Variants in CPLANE1 observed in about 807,000 individuals in gnomAD.
CPLANE1 encodes the protein ciliogenesis and planar polarity effector 1.
CPLANE1 carries 263 observed loss-of-function variants against 362.5 expected under a neutral mutation model. The observed-to-expected ratio is 0.73, with a 90% CI of 0.66 to 0.80. The LOEUF (loss-of-function observed/expected upper bound fraction) is 0.80. CPLANE1 is among the 30% of genes least tolerant of loss of function. CPLANE1 has a pLI of 0.00. For synonymous variants in CPLANE1, 1,212 were observed against 1,302.6 expected (o/e 0.93, Z 1.50); for missense variants, 3,461 against 3,793.4 (o/e 0.91, Z 2.30).
Position 37,226,935 on chromosome 5 carries a change from G to A in CPLANE1, c.1660C>T (p.His554Tyr), listed in dbSNP as rs1229854824. The change falls in exon 12 of 53, where the codon CAT becomes TAT. Residue 554 changes from histidine (H) to tyrosine (Y), a missense_variant. Physicochemically the swap from His to Tyr is moderately conservative, Grantham distance 83 (BLOSUM62 2). This residue lies in a region of CPLANE1 where 3,380 missense variants were observed against 3,666.1 expected (regional missense o/e 0.92). Transcript: ENST00000651892. ...LEFASMFDTIHAKDDSEETDR... is the reference protein window; with the variant it reads ...LEFASMFDTIYAKDDSEETDR... Reference sequence around the variant, plus strand: ...GTCTCCTCACTATCATCCTTTGCATGTATCGTATCAAACATAGATGCAAAT... The same window carrying A: ...GTCTCCTCACTATCATCCTTTGCATATATCGTATCAAACATAGATGCAAAT... The A allele has an allele frequency of 3.2e-6, 5 of 1,551,782 alleles. No homozygotes were observed. The highest frequency in any genetic ancestry group is 2.4e-5 in the East Asian group (1 of 40,892).
At chr5:37,219,987 TCA>T (rs1272624992) in intron 15 of CPLANE1, among the ~76,000 whole-genome samples, 2 of 152,200 alleles carry the variant, frequency 1.3e-5, no homozygotes, top group Non-Finnish European at 2.9e-5. Flanking sequence ...GCACAGTGGC[TCA>T]CACCTATAAT....
chr5:37,116,627 A>C (rs1192105634), intron 50 of CPLANE1, among the ~76,000 whole-genome samples: 1 of 152,108 alleles, frequency 6.6e-6, no homozygotes, highest in African/African-American at 2.4e-5. Context: ...TCCAAAAAAA[A>C]AAAATTTCCT....
At chr5:37,085,429 T>C in the CPLANE1 span, 1 of 986,524 alleles carries the variant, frequency 1.0e-6, no homozygotes, top group East Asian at 2.4e-5. Context: ...TTGGGTAAAG[T>C]GAGAAAAATC....
intron 50 of CPLANE1, among the ~76,000 whole-genome samples, 185 bp from the exon 51 acceptor site, chr5:37,115,234 C>T (rs1026755950): frequency 6.6e-6 from 1 of 152,068 alleles, no homozygotes; most frequent in Non-Finnish European, 1.5e-5. Context: ...TAAGTGCAGA[C>T]AAAGAAAGGG....
chr5:37,230,918 A>G lies in CPLANE1; in HGVS notation c.1070T>C (p.Ile357Thr). 2.6e-6 allele frequency: 4 copies of G among 1,549,568 alleles called. No individual in the cohort carries two copies. The highest frequency in any genetic ancestry group is 1.2e-5 in the South Asian group (1 of 83,560). ...LLTLITFGCS[I>T]EFGPAEFIPL... ...AATAAATTCTGCTGGGCCAAATTCT[A>G]TAGAGCAACCAAATGTAATTAATGT... is the stretch of plus-strand genomic sequence containing the variant. Residue 357 changes from isoleucine to threonine, a missense_variant, in exon 9 of 53, where the codon ATA becomes ACA. Coordinates refer to ENST00000651892, the MANE Select transcript of CPLANE1 (RefSeq NM_001384732.1).
At position 37,230,802 on chromosome 5, in the gene CPLANE1, C is replaced by G. The variant is rs991736210; in HGVS notation, c.1121+65G>C. On this transcript the variant is annotated intron_variant, in intron 9 of 52. Coordinates refer to ENST00000651892, the MANE Select transcript of CPLANE1 (RefSeq NM_001384732.1). ...AAAGATGAAATTTTTTTTGAATACA[C>G]AGTAAAAGTAATACAAAACAGAAAA... 2.6e-6 allele frequency: 3 copies of G among 1,160,640 alleles called. No individual in the cohort carries two copies. The African/African-American group carries it at 4.8e-5, about 19-fold the overall frequency. 71.9% of individuals were successfully genotyped at this position (1,160,640 alleles called of 1,614,324 possible). A position where few individuals can be genotyped will look rare whatever the true frequency, so the allele number is the denominator to read the frequency against.
chr5:37,081,667 A>G, the CPLANE1 span, among the ~76,000 whole-genome samples: 1 of 152,096 alleles, frequency 6.6e-6, no homozygotes, highest in East Asian at 1.9e-4. Flanking sequence ...TAGGGCAGAA[A>G]AAAAAGTTTT....
Position 37,205,030 on chromosome 5 carries a change from G to A in CPLANE1, c.3289+285C>T, listed in dbSNP as rs187764604. Among the ~76,000 whole-genome samples the A allele has an allele frequency of 4.7e-3, 716 of 152,282 alleles. 2 individuals are homozygous for A. The highest frequency in any genetic ancestry group is 8.1e-3 in the Non-Finnish European group (554 of 68,028). On this transcript the variant is annotated intron_variant, in intron 18 of 52. Coordinates refer to ENST00000651892, the MANE Select transcript of CPLANE1 (RefSeq NM_001384732.1). Reference sequence around the variant, plus strand: ...AAATTAGCCGGACGTGGTGGCCCACGCCTGTAATCCCAGCTACTCGGGAAG... The same window carrying A: ...AAATTAGCCGGACGTGGTGGCCCACACCTGTAATCCCAGCTACTCGGGAAG...
rs749421099 is a variant in CPLANE1 at position 37,195,993 on chromosome 5, G to T, written c.3676C>A (p.Arg1226=). The T allele has an allele frequency of 6.3e-7, 1 of 1,593,950 alleles. No individual in the cohort carries two copies. Residue 1226 remains arginine (R), a synonymous_variant, in exon 21 of 53, where the codon CGA becomes AGA. Transcript: ENST00000651892. ...AGTGAAGGAAGGGATCCTTTCATTC[G>T]AATCTAAAAGTAAAGAATAACCGAA... ...RWARKVMQKI[R]MKGSLPSLSP...
chr5:37,098,318 G>C, the CPLANE1 span, among the ~76,000 whole-genome samples: 7 of 149,896 alleles, frequency 4.7e-5, no homozygotes, highest in African/African-American at 1.7e-4. Context: ...ATGAACCTGG[G>C]AGGCGGAGGT....
At position 37,127,116 on chromosome 5, in the gene CPLANE1, C is replaced by A. The variant is rs190536400; in HGVS notation, c.8793-1707G>T. On this transcript the variant is annotated intron_variant, in intron 46 of 52. Transcript: ENST00000651892. ...GGAATTAAGTGCATTCTGTGCGACC[C>A]CACTGGGAAAAGACTCTTAGAAGCT... 1.6e-4 allele frequency among the ~76,000 whole-genome samples: 24 copies of A among 152,270 alleles called. No homozygotes were observed. In the East Asian group the frequency reaches 4.6e-3, roughly 29 times the overall value.
At chr5:37,224,475 G>A (rs1428398926) in intron 13 of CPLANE1, 57 bp downstream of exon 13, 1 of 1,359,112 alleles carries the variant, frequency 7.4e-7, no homozygotes, top group Non-Finnish European at 1.0e-6. Context: ...GAAATTCAAA[G>A]TCTGGTTAAC....
intron 23 of CPLANE1, among the ~76,000 whole-genome samples, chr5:37,187,035 T>C (rs1784211404): frequency 1.7e-5 from 2 of 119,410 alleles, no homozygotes; most frequent in Non-Finnish European, 3.1e-5. Flanking sequence ...CACTCTAGCC[T>C]GGGTGACAGA....
intron 14 of CPLANE1, 53 bp downstream of exon 14, chr5:37,224,200 G>T: frequency 1.6e-6 from 2 of 1,218,306 alleles, no homozygotes; most frequent in Non-Finnish European, 2.3e-6. Flanking sequence ...TCTACAGCAA[G>T]CTAAAAGGAG....
intron 19 of CPLANE1, 67 bp downstream of exon 19, chr5:37,201,524 T>G: frequency 7.6e-7 from 1 of 1,311,122 alleles, no homozygotes; most frequent in Non-Finnish European, 1.1e-6. Flanking sequence ...TATTATCAAG[T>G]TAATTATTTT....
In CPLANE1 at chr5:37,107,019, G is replaced by A. The variant is rs182943450; in HGVS notation, c.*583C>T. The A allele has an allele frequency of 3.6e-5, 35 of 985,360 alleles. No homozygotes were observed. The highest frequency in any genetic ancestry group is 6.1e-5 in the Admixed American group (1 of 16,268). The allele number at this position is 985,360 out of a possible 1,614,324, so 61.0% of individuals were successfully genotyped here. A position where few individuals can be genotyped will look rare whatever the true frequency, so the allele number is the denominator to read the frequency against. On this transcript the variant is annotated 3_prime_UTR_variant, in exon 53 of 53. Coordinates refer to ENST00000651892, the MANE Select transcript of CPLANE1 (RefSeq NM_001384732.1). The stretch of plus-strand genomic sequence containing the variant: ...ATCCATTCCTGTTTCTTCCTCCAAG[G>A]CTTCAGGCTACAGGGCAGAAGACAG...
At position 37,173,740 on chromosome 5, in the gene CPLANE1, T is replaced by G. The variant is rs779590460; in HGVS notation, c.6171+15A>C. The G allele has an allele frequency of 3.1e-6, 5 of 1,605,998 alleles. No homozygotes were observed. The highest frequency in any genetic ancestry group is 4.3e-6 in the Non-Finnish European group (5 of 1,173,104). On this transcript the variant is annotated intron_variant, in intron 32 of 52. Transcript: ENST00000651892. ...CTATGTGTAGATTTACTTACTTATA[T>G]AGAGATGTGCTTACCTGAACTAATT... is the stretch of plus-strand genomic sequence containing the variant.
intron 42 of CPLANE1, among the ~76,000 whole-genome samples, chr5:37,149,268 C>T (rs1772757267): frequency 6.6e-6 from 1 of 152,098 alleles, no homozygotes; most frequent in Non-Finnish European, 1.5e-5. Flanking sequence ...TGGCTCCTGA[C>T]ATCAAAATCC....
chr5:37,248,205 G>A (rs1029627705), intron 1 of CPLANE1, among the ~76,000 whole-genome samples: 8 of 151,900 alleles, frequency 5.3e-5, no homozygotes, highest in Non-Finnish European at 8.8e-5. Context: ...TCGGCTCACT[G>A]CAACCTCCGC....
Sources: gnomAD v4.1 joint callset for allele counts (sites outside exome capture counted in the v4.1 genomes callset) on GRCh38, gnomAD v4.1.1 for gene constraint, gnomAD v4.1.1 regional missense constraint, MANE v1.5 for transcripts, NCBI Gene and HGNC (gene_info 2026-07-23, HGNC 2026-07-21) for gene names.